The following NREP variants were observed in gnomAD, a reference collection of about 807,000 sequenced individuals.
NREP encodes the protein neuronal regeneration related protein.
NREP carries 5 observed loss-of-function variants against 8.6 expected under a neutral mutation model. The observed-to-expected ratio is 0.58, with a 90% CI of 0.30 to 1.22. The LOEUF is 1.22. Among genes scored for constraint, NREP ranks in the 50% most tolerant of loss-of-function variants. The probability of loss-of-function intolerance (pLI) is 0.07; values close to 1 mark genes in which losing one functional copy is unlikely to be tolerated. For missense variants in NREP, 86 were observed against 82.5 expected (o/e 1.04, Z -0.17); for synonymous variants, 27 against 28.0 (o/e 0.96, Z 0.11).
intron 2 of NREP, among the ~76,000 whole-genome samples, chr5:111,823,194 T>C (rs973604776): frequency 7.9e-5 from 12 of 152,168 alleles, no homozygotes; most frequent in African/African-American, 1.4e-4. Context: ...CAAGAACTAA[T>C]AGAGTGAGAA....
chr5:111,735,209 T>C (rs1748989419), intron 3 of NREP: 3 of 430,290 alleles, frequency 7.0e-6, no homozygotes, highest in Non-Finnish European at 1.3e-5. Flanking sequence ...ATGTTTTAAA[T>C]GAAAATTTTT....
At chr5:111,777,759 AG>A (rs1751399493) in intron 2 of NREP, among the ~76,000 whole-genome samples, 1 of 152,116 alleles carries the variant, frequency 6.6e-6, no homozygotes, top group Admixed American at 6.6e-5. Context: ...TAGAAATTAT[AG>A]GTGTGGAGAA....
intron 2 of NREP, among the ~76,000 whole-genome samples, chr5:111,910,320 C>A (rs905658362): frequency 3.3e-5 from 5 of 151,952 alleles, no homozygotes; most frequent in Admixed American, 2.6e-4. Context: ...TTATTGCTTA[C>A]CTCCCTATAA....
At chr5:111,731,098 T>G in intron 3 of NREP, 52 bp from the exon 4 acceptor site, 1 of 1,590,980 alleles carries the variant, frequency 6.3e-7, no homozygotes, top group Non-Finnish European at 8.6e-7. Context: ...AAGACAAAAT[T>G]AGTCATGCTT....
chr5:111,739,007 G>T (rs1400412598), intron 2 of NREP: 1 of 152,212 alleles, frequency 6.6e-6, no homozygotes, highest in African/African-American at 2.4e-5. Flanking sequence ...CTTGATCTCA[G>T]ACTTCCAGCG....
chr5:111,802,742 A>C (rs1290941396), intron 2 of NREP, among the ~76,000 whole-genome samples: 1 of 152,224 alleles, frequency 6.6e-6, no homozygotes, highest in Non-Finnish European at 1.5e-5. Flanking sequence ...ATTATAATTG[A>C]TTTTACAGTT....
At chr5:111,788,103 A>T (rs1751655239) in intron 2 of NREP, among the ~76,000 whole-genome samples, 1 of 152,172 alleles carries the variant, frequency 6.6e-6, no homozygotes. Flanking sequence ...CAACAACAAC[A>T]AGAAAAATCA....
chr5:111,889,760 G>A (rs1396050558), intron 2 of NREP, among the ~76,000 whole-genome samples: 1 of 152,132 alleles, frequency 6.6e-6, no homozygotes, highest in Non-Finnish European at 1.5e-5. Flanking sequence ...ATTTCACTTG[G>A]GTGCAAGTGG....
At chr5:111,780,501 C>G (rs1751467088) in intron 2 of NREP, among the ~76,000 whole-genome samples, 1 of 152,040 alleles carries the variant, frequency 6.6e-6, no homozygotes. Context: ...CAATGTAAAT[C>G]CCACTCATTG....
intron 2 of NREP, among the ~76,000 whole-genome samples, chr5:111,909,474 TTAAAA>T (rs1754856786): frequency 6.6e-6 from 1 of 152,062 alleles, no homozygotes. Context: ...ATAGTATATG[TTAAAA>T]TAAAATGCAA....
At chr5:111,854,488 C>G (rs10037289) in intron 2 of NREP, among the ~76,000 whole-genome samples, 8,326 of 152,240 alleles carry the variant, frequency 0.055, 473 homozygotes, top group African/African-American at 0.13. Flanking sequence ...AAGCTGTAGA[C>G]AGGCTACATA....
At chr5:111,951,148 C>CT (rs2112634641) in intron 2 of NREP, among the ~76,000 whole-genome samples, 1 of 152,054 alleles carries the variant, frequency 6.6e-6, no homozygotes, top group South Asian at 2.1e-4. Context: ...ATCCTTCTTG[C>CT]TTTTTTACTT....
intron 2 of NREP, among the ~76,000 whole-genome samples, chr5:111,959,957 G>C (rs1296949426): frequency 1.3e-5 from 2 of 151,980 alleles, no homozygotes; most frequent in African/African-American, 2.4e-5. Flanking sequence ...AAATAGTTGA[G>C]GTGGGAAAAT....
At chr5:111,929,220 C>A (rs556200840) in intron 2 of NREP, among the ~76,000 whole-genome samples, 20 of 152,180 alleles carry the variant, frequency 1.3e-4, no homozygotes, top group South Asian at 4.1e-4. Flanking sequence ...CTAAATTAAT[C>A]TTGGCAAAAT....
At chr5:111,967,666 C>G (rs1756682931) in intron 2 of NREP, among the ~76,000 whole-genome samples, 1 of 151,932 alleles carries the variant, frequency 6.6e-6, no homozygotes, top group Non-Finnish European at 1.5e-5. Flanking sequence ...AGCGCCTCTG[C>G]CCAGCTGCCG....
intron 2 of NREP, among the ~76,000 whole-genome samples, chr5:111,951,260 T>A (rs568612143): frequency 4.6e-5 from 7 of 152,096 alleles, no homozygotes; most frequent in Non-Finnish European, 8.8e-5. Flanking sequence ...AACATCTCAT[T>A]TATTCATTCT....
intron 2 of NREP, among the ~76,000 whole-genome samples, chr5:111,792,657 T>C (rs1751778270): frequency 1.3e-5 from 2 of 152,102 alleles, no homozygotes; most frequent in Non-Finnish European, 2.9e-5. Context: ...AATGGCTAGA[T>C]GCGACAGAAT....
chr5:111,871,846 C>CTA (rs141111202), intron 2 of NREP, among the ~76,000 whole-genome samples: 1,725 of 144,386 alleles, frequency 0.012, 33 homozygotes, highest in African/African-American at 0.039. Flanking sequence ...GTAGTACAGA[C>CTA]TATATATATA....
chr5:111,970,671 C>G (rs1404663088), intron 2 of NREP, among the ~76,000 whole-genome samples: 1 of 151,836 alleles, frequency 6.6e-6, no homozygotes, highest in Non-Finnish European at 1.5e-5. Context: ...ACTAAAAACA[C>G]AGAAAGTAGC....
Sources: allele counts gnomAD v4.1 joint callset (sites outside exome capture counted in the v4.1 genomes callset), GRCh38; gene constraint gnomAD v4.1.1; transcripts MANE v1.5; gene names NCBI Gene and HGNC (gene_info 2026-07-23, HGNC 2026-07-21).